NRXN3: variants seen among roughly 807,000 people sequenced by gnomAD.
NRXN3 encodes neurexin III.
NRXN3 carries 32 observed loss-of-function variants against 137.6 expected under a neutral mutation model. The ratio of observed to expected loss-of-function variants is 0.23; its 90% confidence interval spans 0.18 to 0.31. NRXN3 has a LOEUF of 0.31. Among genes scored for constraint, NRXN3 ranks in the 10% least tolerant of loss-of-function variants. The pLI, the probability that NRXN3 is intolerant of heterozygous loss-of-function variation, is 1.00. For synonymous variants in NRXN3, 798 were observed against 784.5 expected, an observed-to-expected ratio of 1.02 and a Z score of -0.29; for missense variants, 1,574 against 2,062.5, an observed-to-expected ratio of 0.76 and a Z score of 4.59.
At chr14:78,370,149 C>A (rs2086592821) in intron 4 of NRXN3, among the ~76,000 whole-genome samples, 1 of 152,096 alleles carries the variant, frequency 6.6e-6, no homozygotes, top group Non-Finnish European at 1.5e-5. Context: ...TCCTATCTCC[C>A]CTTGTCTCCT....
chr14:79,536,432 T>A (rs999136834), intron 16 of NRXN3, among the ~76,000 whole-genome samples: 2 of 151,064 alleles, frequency 1.3e-5, no homozygotes, highest in African/African-American at 4.9e-5. Context: ...ATTTTTTTTT[T>A]AATATTCCCT....
At chr14:78,247,197 GTCA>G (rs2067820595) in intron 2 of NRXN3, among the ~76,000 whole-genome samples, 1 of 152,166 alleles carries the variant, frequency 6.6e-6, no homozygotes, top group Non-Finnish European at 1.5e-5. Context: ...GCTCCAAAAT[GTCA>G]TCATGCTGCA....
At chr14:79,775,870 T>C (rs987852504) in intron 19 of NRXN3, among the ~76,000 whole-genome samples, 2 of 152,176 alleles carry the variant, frequency 1.3e-5, no homozygotes, top group Non-Finnish European at 2.9e-5. Context: ...CAGGCTGTAC[T>C]TGATAGTTGG....
rs541484302 is a variant in NRXN3 at position 79,808,895 on chromosome 14, T to C, written c.4093+3705T>C. On this transcript the variant is annotated intron_variant, in intron 20 of 20. Transcript: ENST00000335750. Reference sequence around the variant, plus strand: ...CACTCTCAGAACTTACTTTTGTGCTTAAGGGTCACCACGGTTTGGTATAGC... The same window carrying C: ...CACTCTCAGAACTTACTTTTGTGCTCAAGGGTCACCACGGTTTGGTATAGC... Among the ~76,000 whole-genome samples, 12 of 152,336 alleles carry C rather than the reference T, an allele frequency of 7.9e-5. No homozygotes were observed. In the South Asian group the frequency reaches 2.3e-3, roughly 29 times the overall value.
chr14:78,385,164 C>T (rs1348096335), intron 4 of NRXN3, among the ~76,000 whole-genome samples: 12 of 152,048 alleles, frequency 7.9e-5, no homozygotes, highest in Non-Finnish European at 2.9e-5. Flanking sequence ...TGTGGTTTCA[C>T]ACACACAAAT....
At chr14:79,130,592 C>T (rs1309179886) in intron 15 of NRXN3, among the ~76,000 whole-genome samples, 1 of 152,098 alleles carries the variant, frequency 6.6e-6, no homozygotes, top group Non-Finnish European at 1.5e-5. Context: ...CCCGACCTTT[C>T]TCTCTGGCTG....
intron 17 of NRXN3, among the ~76,000 whole-genome samples, chr14:79,689,556 G>A (rs1453276388): frequency 2.0e-5 from 3 of 152,068 alleles, no homozygotes; most frequent in East Asian, 3.9e-4. Flanking sequence ...TATCCTTAGT[G>A]CCAGATACTA....
intron 19 of NRXN3, among the ~76,000 whole-genome samples, chr14:79,725,582 C>G (rs1238908161): frequency 1.3e-5 from 2 of 152,124 alleles, no homozygotes; most frequent in African/African-American, 4.8e-5. Context: ...ATGTTCCGCT[C>G]TAACCTTAAA....
At chr14:78,643,739 G>A (rs1195251623) in intron 4 of NRXN3, among the ~76,000 whole-genome samples, 2 of 152,098 alleles carry the variant, frequency 1.3e-5, no homozygotes, top group African/African-American at 4.8e-5. Flanking sequence ...GGTCTGGTAT[G>A]AATGCATGTG....
chr14:78,942,829 T>G (rs1474813673), intron 10 of NRXN3, among the ~76,000 whole-genome samples: 1 of 152,186 alleles, frequency 6.6e-6, no homozygotes, highest in Non-Finnish European at 1.5e-5. Flanking sequence ...ATCACCCTGA[T>G]CTGATCAATA....
intron 15 of NRXN3, among the ~76,000 whole-genome samples, chr14:79,048,791 G>A (rs1399753790): frequency 6.6e-6 from 1 of 150,434 alleles, no homozygotes; most frequent in Admixed American, 6.6e-5. Flanking sequence ...TTGGGAGGCC[G>A]AGACGGGCGG....
chr14:78,278,772 A>C (rs2073982084), intron 3 of NRXN3, 110 bp downstream of exon 3: 1 of 821,920 alleles, frequency 1.2e-6, no homozygotes. Flanking sequence ...AGTGTATTGC[A>C]TTTTCACTGA....
intron 15 of NRXN3, among the ~76,000 whole-genome samples, chr14:79,297,995 C>A (rs1272645644): frequency 6.6e-6 from 1 of 151,994 alleles, no homozygotes; most frequent in Non-Finnish European, 1.5e-5. Context: ...TTTATAAATT[C>A]AATTACATTT....
intron 8 of NRXN3, among the ~76,000 whole-genome samples, chr14:78,756,203 A>G (rs2098667464): frequency 6.6e-6 from 1 of 152,198 alleles, no homozygotes; most frequent in Non-Finnish European, 1.5e-5. Flanking sequence ...TAAATGGTTC[A>G]CTAGCCGGGT....
At chr14:78,933,598 C>T (rs1227506992) in intron 10 of NRXN3, among the ~76,000 whole-genome samples, 3 of 152,250 alleles carry the variant, frequency 2.0e-5, no homozygotes, top group East Asian at 3.9e-4. Context: ...CAACATGATG[C>T]TTCGAAGTGT....
At chr14:78,569,319 G>T (rs1258284906) in intron 4 of NRXN3, among the ~76,000 whole-genome samples, 1 of 151,500 alleles carries the variant, frequency 6.6e-6, no homozygotes, top group Admixed American at 6.6e-5. Flanking sequence ...AGGCTGGAGT[G>T]CAGCAGCGTG....
intron 4 of NRXN3, among the ~76,000 whole-genome samples, chr14:78,419,989 A>G (rs2093368944): frequency 6.8e-6 from 1 of 147,014 alleles, no homozygotes; most frequent in South Asian, 2.2e-4. Flanking sequence ...ACACACACGT[A>G]AAGTCCTGAC....
chr14:78,733,914 T>C (rs2098528718), intron 8 of NRXN3, among the ~76,000 whole-genome samples: 1 of 152,136 alleles, frequency 6.6e-6, no homozygotes, highest in Admixed American at 6.6e-5. Flanking sequence ...GGTGGCTGCC[T>C]CCAGGAAGAT....
intron 16 of NRXN3, among the ~76,000 whole-genome samples, chr14:79,553,627 G>A (rs1001241325): frequency 6.6e-6 from 1 of 152,146 alleles, no homozygotes; most frequent in Non-Finnish European, 1.5e-5. Flanking sequence ...GGTGGCACAG[G>A]TGGTATCTGC....
Sources: allele counts gnomAD v4.1 joint callset (sites outside exome capture counted in the v4.1 genomes callset), GRCh38; gene constraint gnomAD v4.1.1; transcripts MANE v1.5; gene names NCBI Gene and HGNC (gene_info 2026-07-23, HGNC 2026-07-21).